The following USH1G variants were observed in gnomAD, a reference collection of about 807,000 sequenced individuals.
USH1G encodes the protein pre-mRNA splicing regulator USH1G.
In USH1G, 27 loss-of-function variants were observed where a neutral mutation model predicts 31.9. The observed-to-expected ratio is 0.85, with a 90% CI of 0.62 to 1.17. USH1G has a LOEUF of 1.17. Among genes scored for constraint, USH1G ranks in the 50% most tolerant of loss-of-function variants. The pLI is 0.00. For synonymous variants in USH1G, 266 were observed against 283.2 expected (o/e 0.94, Z 0.61); for missense variants, 674 against 638.9 (o/e 1.05, Z -0.59).
chr17:74,920,040 C>T lies in USH1G; in HGVS notation c.796G>A (p.Glu266Lys). Residue 266 changes from glutamate to lysine, a missense_variant, in exon 2 of 3, where the codon GAG (glutamate) becomes AAG (lysine). Transcript: ENST00000614341. The surrounding 1 kb of genome is among the most constrained non-coding windows in gnomAD (Gnocchi z 5.2). ...TCCCGGAGCGGGGCTCGGCCCCACT[C>T]CTTGGGATTGGCGTAGGTGCCCTGG... is the stretch of plus-strand genomic sequence containing the variant. ...VRQGTYANPK[E>K]WGRAPLRDMF... 6.2e-7 allele frequency: 1 copy of T among 1,610,666 alleles called. No homozygotes were observed. The highest frequency in any genetic ancestry group is 8.5e-7 in the Non-Finnish European group (1 of 1,179,734).
rs780954300 is a variant in USH1G at position 74,919,428 on chromosome 17, TC to T, written c.1382+25del. On this transcript the variant is annotated intron_variant, in intron 2 of 2. Transcript: ENST00000614341. The surrounding 1 kb of genome is among the most constrained non-coding windows in gnomAD (Gnocchi z 4.5). ...GGGCCTTCCAACTCCTGCTCCTCCA[TC>T]CCCCCCGCCAGGCTGGACACTCACA... 37 of 1,457,278 alleles carry T rather than the reference TC, an allele frequency of 2.5e-5. No individual in the cohort carries two copies. Among genetic ancestry groups the T allele is most frequent in the Middle Eastern group, 2.7e-4 (1 of 3,674 alleles). 90.3% of individuals were successfully genotyped at this position (1,457,278 alleles called of 1,614,324 possible). A position where few individuals can be genotyped will look rare whatever the true frequency, so the allele number is the denominator to read the frequency against.
At position 74,920,129 on chromosome 17, in the gene USH1G, T is replaced by A; in HGVS notation, c.707A>T (p.Asp236Val). 6.2e-7 allele frequency: 1 copy of A among 1,602,766 alleles called. No homozygotes were observed. Among genetic ancestry groups the A allele is most frequent in the Non-Finnish European group, 8.5e-7 (1 of 1,179,784 alleles). ...GAGCGAGCGGGCGCTCTTGCGCCCA[T>A]CCTCGGAGACCTTGAAGGTGCCTTC... is the stretch of plus-strand genomic sequence containing the variant. ...GGEGTFKVSE[D>V]GRKSARSLSG... Residue 236 changes from aspartate to valine, a missense_variant, in exon 2 of 3, where the codon GAT (aspartate) becomes GTT (valine). Physicochemically the swap from Asp to Val is radical, Grantham distance 152. Coordinates refer to ENST00000614341, the MANE Select transcript of USH1G (RefSeq NM_173477.5). This position sits in a 1 kb window ranked among gnomAD's most constrained non-coding sequence, Gnocchi z 5.2.
intron 1 of USH1G, among the ~76,000 whole-genome samples, chr17:74,922,620 G>T (rs929270311): frequency 6.6e-6 from 1 of 151,906 alleles, no homozygotes; most frequent in Non-Finnish European, 1.5e-5. Flanking sequence ...CTTCCAGGGG[G>T]ACCCCAGCCA....
chr17:74,920,704 C>G lies in USH1G; in HGVS notation c.165-33G>C, dbSNP rs939213537. On this transcript the variant is annotated intron_variant, in intron 1 of 2. Coordinates refer to ENST00000614341, the MANE Select transcript of USH1G (RefSeq NM_173477.5). The surrounding 1 kb of genome is among the most constrained non-coding windows in gnomAD (Gnocchi z 5.2). ...GAAAGCATTCAGGAGGGACGAGTGA[C>G]GAGTCCTGGCTGGGGATGGAGGTGG... 6.2e-7 allele frequency: 1 copy of G among 1,611,460 alleles called. No individual in the cohort carries two copies.
chr17:74,920,351 T>G lies in USH1G; in HGVS notation c.485A>C (p.Glu162Ala). 6.2e-7 allele frequency: 1 copy of G among 1,611,878 alleles called. No individual in the cohort carries two copies. Among genetic ancestry groups the G allele is most frequent in the African/African-American group, 1.3e-5 (1 of 75,040 alleles). The change falls in exon 2 of 3, where the codon GAG (glutamate) becomes GCG (alanine). Residue 162 changes from glutamate (E) to alanine (A), a missense_variant. Transcript: ENST00000614341. This position sits in a 1 kb window ranked among gnomAD's most constrained non-coding sequence, Gnocchi z 5.2. ...GGCCAGCTCGCGCCGGTATCGCCGC[T>G]CCATGCGTTCGTGGTGCCTCCGCTG... ...KLQRRHHERM[E>A]RRYRRELAER...
chr17:74,918,203 G>T lies in USH1G; in HGVS notation c.1383-127C>A. 1 of 1,335,090 alleles carries T rather than the reference G, an allele frequency of 7.5e-7. No homozygotes were observed. The highest frequency in any genetic ancestry group is 2.5e-5 in the East Asian group (1 of 40,072). 82.7% of individuals were successfully genotyped at this position (1,335,090 alleles called of 1,614,324 possible). A position where few individuals can be genotyped will look rare whatever the true frequency, so the allele number is the denominator to read the frequency against. Reference sequence around the variant, plus strand: ...CTCGGCAGGCCAATTGTCAGGGATGGGGGACGCCAGCCTATGGGTGACCTC... The same window carrying T: ...CTCGGCAGGCCAATTGTCAGGGATGTGGGACGCCAGCCTATGGGTGACCTC... On this transcript the variant is annotated intron_variant, in intron 2 of 2. Coordinates refer to ENST00000614341, the MANE Select transcript of USH1G (RefSeq NM_173477.5). This position sits in a 1 kb window ranked among gnomAD's most constrained non-coding sequence, Gnocchi z 4.1.
Position 74,920,426 on chromosome 17 carries a change from T to C in USH1G, c.410A>G (p.Asp137Gly). 6.2e-7 allele frequency: 1 copy of C among 1,613,618 alleles called. No homozygotes were observed. Among genetic ancestry groups the C allele is most frequent in the South Asian group, 1.1e-5 (1 of 91,086 alleles). The change falls in exon 2 of 3, where the codon GAC (aspartate) becomes GGC (glycine). Residue 137 changes from aspartate to glycine, a missense_variant. Transcript: ENST00000614341. The surrounding 1 kb of genome is among the most constrained non-coding windows in gnomAD (Gnocchi z 5.2). Reference protein sequence around the residue: ...LNPKLVGKLKDKAFREAERRI... With the variant: ...LNPKLVGKLKGKAFREAERRI... The stretch of plus-strand genomic sequence containing the variant: ...CCGCTCCGCCTCGCGGAAGGCCTTG[T>C]CCTTCAGCTTACCCACCAGCTTGGG...
At position 74,919,802 on chromosome 17, in the gene USH1G, C is replaced by A; in HGVS notation, c.1034G>T (p.Arg345Leu). ...GTCCAGGCTGGGGGAGCTCTGCAGC[C>A]GACCCCGCGGCGCTCCCACCCCATC... ...GLDGVGAPRGRLQSSPSLDDD... is the reference protein window; with the variant it reads ...GLDGVGAPRGLLQSSPSLDDD... Residue 345 changes from arginine to leucine, a missense_variant, in exon 2 of 3, where the codon CGG (arginine) becomes CTG (leucine). Physicochemically the swap from Arg to Leu is moderately radical, Grantham distance 102. Coordinates refer to ENST00000614341, the MANE Select transcript of USH1G (RefSeq NM_173477.5). This position sits in a 1 kb window ranked among gnomAD's most constrained non-coding sequence, Gnocchi z 4.5. 1 of 1,612,858 alleles carries A rather than the reference C, an allele frequency of 6.2e-7. No homozygotes were observed.
Position 74,921,944 on chromosome 17 carries a change from A to G in USH1G, c.164+966T>C, listed in dbSNP as rs1436131404. ...AGGGCAAGAAGGAGGGGTCTCCAGCACCTACTACATGTTCAGGCACTGGCC... is the reference window on the plus strand; with the variant it reads ...AGGGCAAGAAGGAGGGGTCTCCAGCGCCTACTACATGTTCAGGCACTGGCC... On this transcript the variant is annotated intron_variant, in intron 1 of 2. Coordinates refer to ENST00000614341, the MANE Select transcript of USH1G (RefSeq NM_173477.5). This position sits in a 1 kb window ranked among gnomAD's most constrained non-coding sequence, Gnocchi z 4.6. Among the ~76,000 whole-genome samples, 1 of 152,014 alleles carries G rather than the reference A, an allele frequency of 6.6e-6. No individual in the cohort carries two copies. Among genetic ancestry groups the G allele is most frequent in the East Asian group, 1.9e-4 (1 of 5,174 alleles).
chr17:74,920,453 T>A lies in USH1G; in HGVS notation c.383A>T (p.Asn128Ile). The change falls in exon 2 of 3, where the codon AAC becomes ATC. Residue 128 changes from asparagine to isoleucine, a missense_variant. Asn to Ile is a moderately radical substitution (Grantham distance 149). Transcript: ENST00000614341. The surrounding 1 kb of genome is among the most constrained non-coding windows in gnomAD (Gnocchi z 5.2). ...DSIAAKQSSL[N>I]PKLVGKLKDK... ...CTTCAGCTTACCCACCAGCTTGGGGTTGAGGCTGCTCTGCTTGGCCGCGAT... is the reference window on the plus strand; with the variant it reads ...CTTCAGCTTACCCACCAGCTTGGGGATGAGGCTGCTCTGCTTGGCCGCGAT... 6.2e-7 allele frequency: 1 copy of A among 1,613,642 alleles called. No individual in the cohort carries two copies. The highest frequency in any genetic ancestry group is 1.1e-5 in the South Asian group (1 of 91,078).
chr17:74,917,866 A>C lies in USH1G; in HGVS notation c.*207T>G. The C allele has an allele frequency of 1.5e-6, 1 of 649,266 alleles. No individual in the cohort carries two copies. The highest frequency in any genetic ancestry group is 2.7e-6 in the Non-Finnish European group (1 of 366,342). The allele number at this position is 649,266 out of a possible 1,614,324, so 40.2% of individuals were successfully genotyped here. ...GGCCTTCAAGACCCCTCAGAACTGGAGTTCCGGAACATTCTCTTGCCCCTC... is the reference window on the plus strand; with the variant it reads ...GGCCTTCAAGACCCCTCAGAACTGGCGTTCCGGAACATTCTCTTGCCCCTC... On this transcript the variant is annotated 3_prime_UTR_variant, in exon 3 of 3. Transcript: ENST00000614341.
rs1247619645 is a variant in USH1G, at chr17:74,918,878, C to A, written c.1382+576G>T. 6.6e-6 allele frequency among the ~76,000 whole-genome samples: 1 copy of A among 152,084 alleles called. No homozygotes were observed. The highest frequency in any genetic ancestry group is 1.9e-4 in the East Asian group (1 of 5,198). ...GAGGCCCTGCTGACTGCACGCCCTGCATCCCATGGCAGCCACCTTGACCCC... is the reference window on the plus strand; with the variant it reads ...GAGGCCCTGCTGACTGCACGCCCTGAATCCCATGGCAGCCACCTTGACCCC... On this transcript the variant is annotated intron_variant, in intron 2 of 2. Transcript: ENST00000614341. The surrounding 1 kb of genome is among the most constrained non-coding windows in gnomAD (Gnocchi z 4.1).
rs113026327 is a variant in USH1G at position 74,918,555 on chromosome 17, G to A, written c.1383-479C>T. On this transcript the variant is annotated intron_variant, in intron 2 of 2. Coordinates refer to ENST00000614341, the MANE Select transcript of USH1G (RefSeq NM_173477.5). This position sits in a 1 kb window ranked among gnomAD's most constrained non-coding sequence, Gnocchi z 4.1. Reference sequence around the variant, plus strand: ...CCTAAGGCCAGGCGCGGTGGCTCACGCCTGTAATCCCAGCACTTTGGGAGG... The same window carrying A: ...CCTAAGGCCAGGCGCGGTGGCTCACACCTGTAATCCCAGCACTTTGGGAGG... 0.022 allele frequency among the ~76,000 whole-genome samples: 3,365 copies of A among 152,242 alleles called. 103 individuals carry two copies. Among genetic ancestry groups the A allele is most frequent in the African/African-American group, 0.072 (3,008 of 41,528 alleles).
rs2038899623 is a variant in USH1G, at chr17:74,919,240, A to T, written c.1382+214T>A. ...AATCGAGGTGCACTTTCACTGTGAT[A>T]AGAATGCCTCGGGTCATCATTAAAT... On this transcript the variant is annotated intron_variant, in intron 2 of 2. Coordinates refer to ENST00000614341, the MANE Select transcript of USH1G (RefSeq NM_173477.5). This position sits in a 1 kb window ranked among gnomAD's most constrained non-coding sequence, Gnocchi z 4.5. Among the ~76,000 whole-genome samples the T allele has an allele frequency of 1.3e-5, 2 of 152,190 alleles. No homozygotes were observed. Among genetic ancestry groups the T allele is most frequent in the Non-Finnish European group, 2.9e-5 (2 of 68,028 alleles).
chr17:74,921,747 T>C lies in USH1G; in HGVS notation c.165-1076A>G, dbSNP rs1473145057. Among the ~76,000 whole-genome samples, 3 of 152,162 alleles carry C rather than the reference T, an allele frequency of 2.0e-5. No individual in the cohort carries two copies. The highest frequency in any genetic ancestry group is 2.0e-4 in the Admixed American group (3 of 15,286). ...GGCTTGGTGTACCCAAGGGGAGCCCTCTTCCCCTCCTCTCATGAGCCTCTC... is the reference window on the plus strand; with the variant it reads ...GGCTTGGTGTACCCAAGGGGAGCCCCCTTCCCCTCCTCTCATGAGCCTCTC... On this transcript the variant is annotated intron_variant, in intron 1 of 2. Coordinates refer to ENST00000614341, the MANE Select transcript of USH1G (RefSeq NM_173477.5). The surrounding 1 kb of genome is among the most constrained non-coding windows in gnomAD (Gnocchi z 4.6).
Position 74,921,024 on chromosome 17 carries a change from G to A in USH1G, c.165-353C>T, listed in dbSNP as rs2038936411. ...TATTGATGGGGCCCAGCACAGAGCT[G>A]GCCCAGAGCGCTGGTGGGCCAGGGC... On this transcript the variant is annotated intron_variant, in intron 1 of 2. Transcript: ENST00000614341. The surrounding 1 kb of genome is among the most constrained non-coding windows in gnomAD (Gnocchi z 4.6). 6.6e-6 allele frequency among the ~76,000 whole-genome samples: 1 copy of A among 151,688 alleles called. No individual in the cohort carries two copies. Among genetic ancestry groups the A allele is most frequent in the Non-Finnish European group, 1.5e-5 (1 of 67,896 alleles).
intron 1 of USH1G, 89 bp downstream of exon 1, chr17:74,922,821 A>G: frequency 7.0e-6 from 10 of 1,431,964 alleles, no homozygotes; most frequent in Non-Finnish European, 9.4e-6. Flanking sequence ...GCCTGTCTGC[A>G]GGGGAAGGAG....
Position 74,917,748 on chromosome 17 carries a change from T to A in USH1G, c.*325A>T, listed in dbSNP as rs992630691. On this transcript the variant is annotated 3_prime_UTR_variant, in exon 3 of 3. Transcript: ENST00000614341. ...ACCCTCCCGCATCCACCTCCCACAC[T>A]CTCATCCAGTTCCGATGCCCCTGCC... 9.1e-6 allele frequency: 4 copies of A among 439,244 alleles called. No homozygotes were observed. The highest frequency in any genetic ancestry group is 3.4e-5 in the Admixed American group (1 of 29,436). 27.2% of individuals were successfully genotyped at this position (439,244 alleles called of 1,614,324 possible).
At position 74,922,998 on chromosome 17, in the gene USH1G, T is replaced by G. The variant is rs1405879054; in HGVS notation, c.76A>C (p.Asn26His). ...GTCATGCCATCCTCGTCGGGGGCAT[T>G]CAGCTCCTTTCGGGTGGCCTCCTTG... The part of the protein sequence containing the change: ...LLKEATRKEL[N>H]APDEDGMTPT... The change falls in exon 1 of 3, where the codon AAT becomes CAT. Residue 26 changes from asparagine (N) to histidine (H), a missense_variant. Coordinates refer to ENST00000614341, the MANE Select transcript of USH1G (RefSeq NM_173477.5). 2 of 1,570,204 alleles carry G rather than the reference T, an allele frequency of 1.3e-6. No homozygotes were observed. The highest frequency in any genetic ancestry group is 1.7e-6 in the Non-Finnish European group (2 of 1,156,288).
Sources: allele counts gnomAD v4.1 joint callset (sites outside exome capture counted in the v4.1 genomes callset), GRCh38; gene constraint gnomAD v4.1.1; non-coding constraint Gnocchi (gnomAD v3.1); transcripts MANE v1.5; gene names NCBI Gene and HGNC (gene_info 2026-07-23, HGNC 2026-07-21).